The following PTPRZ1 variants were observed in gnomAD, a reference collection of about 807,000 sequenced individuals.
PTPRZ1 encodes receptor-type tyrosine-protein phosphatase zeta.
PTPRZ1 carries 82 observed loss-of-function variants against 214.1 expected under a neutral mutation model. The ratio of observed to expected loss-of-function variants is 0.38; its 90% confidence interval spans 0.32 to 0.46. The LOEUF is 0.46. PTPRZ1 is among the 20% of genes least tolerant of loss of function. The pLI, the probability that PTPRZ1 is intolerant of heterozygous loss-of-function variation, is 1.00. For synonymous variants in PTPRZ1, 945 were observed against 987.9 expected, an observed-to-expected ratio of 0.96 and a Z score of 0.81; for missense variants, 2,603 against 2,748.7, an observed-to-expected ratio of 0.95 and a Z score of 1.19.
rs374756126 is a variant in PTPRZ1 at position 122,061,184 on chromosome 7, T to G, written c.6912T>G (p.Asp2304Glu). 1 of 1,608,562 alleles carries G rather than the reference T, an allele frequency of 6.2e-7. No individual in the cohort carries two copies. Among genetic ancestry groups the G allele is most frequent in the Non-Finnish European group, 8.5e-7 (1 of 1,176,630 alleles). Residue 2304 changes from aspartate to glutamate, a missense_variant, in exon 30 of 30, where the codon GAT becomes GAG. Physicochemically the swap from Asp to Glu is conservative, Grantham distance 45. Transcript: ENST00000393386. ...SLDSNGAALP[D>E]GNIAESLESL... ...ACAGTAATGGTGCAGCATTGCCTGA[T>G]GGAAATATAGCTGAGAGCTTAGAGT...
At position 121,923,289 on chromosome 7, in the gene PTPRZ1, T is replaced by C. The variant is rs772796745; in HGVS notation, c.59-4867T>C. ...AGACTTCTGCTATCAACTGATCTCCTTTTTATGTCCTCGGATATTCTTTAG... is the reference window on the plus strand; with the variant it reads ...AGACTTCTGCTATCAACTGATCTCCCTTTTATGTCCTCGGATATTCTTTAG... On this transcript the variant is annotated intron_variant, in intron 1 of 29. Transcript: ENST00000393386. Among the ~76,000 whole-genome samples, 63 of 152,222 alleles carry C rather than the reference T, an allele frequency of 4.1e-4. 1 individual carries two copies. Among genetic ancestry groups the C allele is most frequent in the Non-Finnish European group, 8.2e-4 (56 of 68,042 alleles).
intron 15 of PTPRZ1, among the ~76,000 whole-genome samples, chr7:122,032,627 C>G (rs1005498075): frequency 2.0e-5 from 3 of 152,130 alleles, no homozygotes; most frequent in Non-Finnish European, 1.5e-5. Context: ...CCACTGCACC[C>G]AGCAGTTGCT....
intron 1 of PTPRZ1, among the ~76,000 whole-genome samples, chr7:121,900,945 A>T (rs904607662): frequency 7.2e-5 from 11 of 152,162 alleles, no homozygotes; most frequent in African/African-American, 2.7e-4. Context: ...TGTAAGACTT[A>T]TTATATCCAT....
At chr7:122,049,646 A>G (rs1265763596) in intron 23 of PTPRZ1, among the ~76,000 whole-genome samples, 1 of 152,166 alleles carries the variant, frequency 6.6e-6, no homozygotes, top group Non-Finnish European at 1.5e-5. Context: ...ATTGAAGAGC[A>G]TAAAATTAGG....
Position 122,010,644 on chromosome 7 carries a change from G to T in PTPRZ1, c.1598G>T (p.Gly533Val), listed in dbSNP as rs1798623390. 2.5e-6 allele frequency: 4 copies of T among 1,613,426 alleles called. No homozygotes were observed. Among genetic ancestry groups the T allele is most frequent in the Non-Finnish European group, 3.4e-6 (4 of 1,179,492 alleles). Residue 533 changes from glycine to valine, a missense_variant, in exon 12 of 30, where the codon GGT becomes GTT. By Grantham distance (109) the Gly-to-Val change is moderately radical. This residue lies in a region of PTPRZ1 where 1,913 missense variants were observed against 1,914.3 expected (regional missense o/e 1.00). Coordinates refer to ENST00000393386, the MANE Select transcript of PTPRZ1 (RefSeq NM_002851.3). ...VTELPPHTVE[G>V]TSASLNDGSK... ...GAACTGCCACCTCACACTGTGGAAG[G>T]TACTTCAGCCTCTTTAAATGATGGC...
intron 12 of PTPRZ1, among the ~76,000 whole-genome samples, chr7:122,015,665 A>G (rs1006592707): frequency 2.0e-5 from 3 of 152,114 alleles, no homozygotes; most frequent in African/African-American, 7.2e-5. Flanking sequence ...CCAGGTAGTG[A>G]CATTGATACG....
At chr7:122,049,684 G>A (rs1792109338) in intron 23 of PTPRZ1, among the ~76,000 whole-genome samples, 1 of 152,022 alleles carries the variant, frequency 6.6e-6, no homozygotes, top group Non-Finnish European at 1.5e-5. Context: ...GTTGATACAT[G>A]GAAATATTAA....
chr7:122,012,918 A>G lies in PTPRZ1; in HGVS notation c.3872A>G (p.Glu1291Gly), dbSNP rs1798723011. 6.2e-7 allele frequency: 1 copy of G among 1,614,068 alleles called. No homozygotes were observed. Among genetic ancestry groups the G allele is most frequent in the African/African-American group, 1.3e-5 (1 of 74,938 alleles). The change falls in exon 12 of 30, where the codon GAG (glutamate) becomes GGG (glycine). Residue 1291 changes from glutamate (E) to glycine (G), a missense_variant. By Grantham distance (98) the Glu-to-Gly change is moderately conservative. Transcript: ENST00000393386. ...QVVPSLYSND[E>G]LFQTANLEIN... ...GTACCTTCTTTGTACAGTAATGATG[A>G]GTTGTTCCAAACGGCCAATTTGGAG...
chr7:121,957,169 T>C (rs1326635472), intron 2 of PTPRZ1, among the ~76,000 whole-genome samples: 1 of 152,166 alleles, frequency 6.6e-6, no homozygotes, highest in Non-Finnish European at 1.5e-5. Flanking sequence ...TCTGGGTACC[T>C]TCTGTCCCTT....
intron 2 of PTPRZ1, among the ~76,000 whole-genome samples, chr7:121,958,096 G>A (rs891564485): frequency 6.6e-6 from 1 of 151,918 alleles, no homozygotes; most frequent in Non-Finnish European, 1.5e-5. Context: ...GTCTGTCTCT[G>A]TGTGCCACCT....
intron 1 of PTPRZ1, among the ~76,000 whole-genome samples, chr7:121,901,203 T>C (rs1210643272): frequency 1.3e-5 from 2 of 152,140 alleles, no homozygotes; most frequent in Non-Finnish European, 2.9e-5. Flanking sequence ...GCCCCTTCCA[T>C]AATTCAAGCA....
At chr7:121,901,978 A>C (rs1012097817) in intron 1 of PTPRZ1, among the ~76,000 whole-genome samples, 3 of 152,084 alleles carry the variant, frequency 2.0e-5, no homozygotes, top group Non-Finnish European at 4.4e-5. Flanking sequence ...GTAACTTTGT[A>C]CCTGTTGGCC....
rs1392862592 is a variant in PTPRZ1, at chr7:122,032,683, T to TA, written c.5166+1124_5166+1125insA. On this transcript the variant is annotated intron_variant, in intron 15 of 29. Coordinates refer to ENST00000393386, the MANE Select transcript of PTPRZ1 (RefSeq NM_002851.3). ...ATTATTTATTTAGGGAGGCAAAATGTTATAGATTAGAAAGCTTTAAGAAAT... is the reference window on the plus strand; with the variant it reads ...ATTATTTATTTAGGGAGGCAAAATGTATATAGATTAGAAAGCTTTAAGAAAT... Among the ~76,000 whole-genome samples the TA allele has an allele frequency of 2.0e-5, 3 of 152,152 alleles. No homozygotes were observed. The East Asian group carries it at 5.8e-4, about 29-fold the overall frequency.
chr7:121,994,704 C>A (rs990594334), intron 8 of PTPRZ1, among the ~76,000 whole-genome samples: 2 of 152,080 alleles, frequency 1.3e-5, no homozygotes, highest in African/African-American at 2.4e-5. Flanking sequence ...ATGATAGAAA[C>A]GTGAATAGCT....
intron 1 of PTPRZ1, among the ~76,000 whole-genome samples, chr7:121,923,652 A>G (rs1468579212): frequency 6.6e-6 from 1 of 151,914 alleles, no homozygotes; most frequent in Non-Finnish European, 1.5e-5. Flanking sequence ...CAAAATATTT[A>G]TAATGATTTT....
At position 122,011,771 on chromosome 7, in the gene PTPRZ1, G is replaced by A; in HGVS notation, c.2725G>A (p.Glu909Lys). 1 of 1,614,090 alleles carries A rather than the reference G, an allele frequency of 6.2e-7. No individual in the cohort carries two copies. ...TAAAACGCTTATGTTTTCTCAAGTT[G>A]AACCACCCAGCAGTGATGCCATGAT... ...LYKTLMFSQVEPPSSDAMMHA... is the reference protein window; with the variant it reads ...LYKTLMFSQVKPPSSDAMMHA... The change falls in exon 12 of 30, where the codon GAA becomes AAA. Residue 909 changes from glutamate (E) to lysine (K), a missense_variant. Transcript: ENST00000393386.
chr7:122,049,350 T>A (rs1039288174), intron 23 of PTPRZ1, among the ~76,000 whole-genome samples: 2 of 151,968 alleles, frequency 1.3e-5, no homozygotes, highest in Non-Finnish European at 2.9e-5. Context: ...ACTAGATAGA[T>A]GTATAAAGGT....
intron 2 of PTPRZ1, among the ~76,000 whole-genome samples, chr7:121,963,044 T>C (rs1796929554): frequency 6.6e-6 from 1 of 152,200 alleles, no homozygotes; most frequent in Admixed American, 6.6e-5. Flanking sequence ...TTTTTTAAGT[T>C]TTATTTTGGC....
At chr7:121,951,772 T>C (rs1467477238) in intron 2 of PTPRZ1, among the ~76,000 whole-genome samples, 4 of 152,192 alleles carry the variant, frequency 2.6e-5, no homozygotes, top group African/African-American at 9.6e-5. Context: ...CCTGCTTCAC[T>C]TCCTTTGCCC....
Sources: allele counts gnomAD v4.1 joint callset (sites outside exome capture counted in the v4.1 genomes callset), GRCh38; gene constraint gnomAD v4.1.1; regional missense constraint gnomAD v4.1.1; transcripts MANE v1.5; gene names NCBI Gene and HGNC (gene_info 2026-07-23, HGNC 2026-07-21).